The following NOTCH2 variants were observed in gnomAD, a reference collection of about 807,000 sequenced individuals.
The protein encoded by NOTCH2 is neurogenic locus notch homolog protein 2.
Under a neutral mutation model 235.8 loss-of-function variants are expected in NOTCH2, and 29 were observed. The observed-to-expected ratio is 0.12, with a 90% CI of 0.09 to 0.17. NOTCH2 has a LOEUF of 0.17. Ranked by LOEUF, NOTCH2 falls within the 10% of genes least tolerant of loss-of-function variation. The pLI is 1.00. For synonymous variants in NOTCH2, 1,086 were observed against 1,141.5 expected, an observed-to-expected ratio of 0.95 and a Z score of 0.98; for missense variants, 2,285 against 3,150.2, an observed-to-expected ratio of 0.73 and a Z score of 6.57.
intron 6 of NOTCH2, among the ~76,000 whole-genome samples, chr1:119,969,114 C>T (rs1445565400): frequency 6.6e-6 from 1 of 152,212 alleles, no homozygotes; most frequent in Non-Finnish European, 1.5e-5. Flanking sequence ...TTAAATGTTT[C>T]TCTCCTGCCA....
intron 21 of NOTCH2, among the ~76,000 whole-genome samples, chr1:119,936,606 G>A (rs1342759727): frequency 2.6e-5 from 4 of 152,170 alleles, no homozygotes; most frequent in African/African-American, 9.6e-5. Flanking sequence ...AAACAACCTA[G>A]GGGCCAAAAT....
rs370534078 is a variant in NOTCH2, at chr1:119,919,375, C to T, written c.5718G>A (p.Gln1906=). The change falls in exon 31 of 34, where the codon CAG becomes CAA. Residue 1906 remains glutamine (Q), a synonymous_variant. Coordinates refer to ENST00000256646, the MANE Select transcript of NOTCH2 (RefSeq NM_024408.4). ...LLDAGADANA[Q]DNMGRCPLHA... Reference sequence around the variant, plus strand: ...GGAGTGGACAGCGGCCCATGTTGTCCTGGGCATTGGCATCTGCACCTGCAT... The same window carrying T: ...GGAGTGGACAGCGGCCCATGTTGTCTTGGGCATTGGCATCTGCACCTGCAT... The T allele has an allele frequency of 1.2e-6, 2 of 1,613,524 alleles. No homozygotes were observed. The highest frequency in any genetic ancestry group is 1.7e-6 in the Non-Finnish European group (2 of 1,180,042).
At chr1:119,952,090 TAGAC>T (rs1650496913) in intron 14 of NOTCH2, among the ~76,000 whole-genome samples, 1 of 152,314 alleles carries the variant, frequency 6.6e-6, no homozygotes, top group South Asian at 2.1e-4. Context: ...AATGAATAAA[TAGAC>T]AGATGAGTGC....
intron 2 of NOTCH2, among the ~76,000 whole-genome samples, chr1:120,011,415 G>C (rs1175442243): frequency 6.6e-6 from 1 of 152,110 alleles, no homozygotes; most frequent in Non-Finnish European, 1.5e-5. Flanking sequence ...TGGGCCTTTT[G>C]TTTTCTTTTT....
chr1:120,004,980 G>T (rs1388973658), intron 3 of NOTCH2, among the ~76,000 whole-genome samples: 1 of 152,160 alleles, frequency 6.6e-6, no homozygotes, highest in Middle Eastern at 3.2e-3. Flanking sequence ...TAGAGATGGG[G>T]TCTTGCTGTG....
intron 25 of NOTCH2, 111 bp downstream of exon 25, chr1:119,925,194 A>G (rs1008266723): frequency 3.6e-6 from 5 of 1,386,440 alleles, no homozygotes; most frequent in Non-Finnish European, 5.1e-6. Flanking sequence ...GCACCATCTG[A>G]AAAGCAGAGG....
chr1:119,914,878 C>A lies in NOTCH2; in HGVS notation c.*428G>T. ...AAGAATGTCCAAGGAGGAGGAGATG[C>A]GTAGGTCAATTCAGGCAGAATTCCA... On this transcript the variant is annotated 3_prime_UTR_variant, in exon 34 of 34. Transcript: ENST00000256646. The A allele has an allele frequency of 2.9e-6, 1 of 350,262 alleles. No homozygotes were observed. Among genetic ancestry groups the A allele is most frequent in the Non-Finnish European group, 5.3e-6 (1 of 189,316 alleles). 21.7% of individuals were successfully genotyped at this position (350,262 alleles called of 1,614,324 possible). A position where few individuals can be genotyped will look rare whatever the true frequency, so the allele number is the denominator to read the frequency against.
At chr1:119,947,671 A>G (rs1650311065) in intron 17 of NOTCH2, among the ~76,000 whole-genome samples, 1 of 152,226 alleles carries the variant, frequency 6.6e-6, no homozygotes, top group Admixed American at 6.5e-5. Flanking sequence ...ACTCAAGAGA[A>G]CTAAAACCAT....
intron 23 of NOTCH2, 59 bp downstream of exon 23, chr1:119,928,917 T>A: frequency 6.9e-7 from 1 of 1,438,878 alleles, no homozygotes; most frequent in Non-Finnish European, 9.8e-7. Flanking sequence ...CAGGGCCCAA[T>A]TTGTTCACTA....
intron 11 of NOTCH2, among the ~76,000 whole-genome samples, chr1:119,960,855 G>A (rs1553198917): frequency 6.6e-6 from 1 of 151,982 alleles, no homozygotes; most frequent in African/African-American, 2.4e-5. Context: ...TTGTAGGGAC[G>A]AGGTTTTGCT....
intron 22 of NOTCH2, among the ~76,000 whole-genome samples, chr1:119,931,021 T>C (rs1190628170): frequency 3.4e-5 from 5 of 147,790 alleles, no homozygotes; most frequent in Non-Finnish European, 5.9e-5. Flanking sequence ...GAGAATGGCA[T>C]GAACCTGGGA....
At chr1:119,932,011 T>C (rs951365240) in intron 22 of NOTCH2, among the ~76,000 whole-genome samples, 8 of 141,772 alleles carry the variant, frequency 5.6e-5, no homozygotes, top group African/African-American at 2.0e-4. Context: ...TATATATACA[T>C]ATATATATAT....
chr1:119,946,751 G>C (rs1311099335), intron 17 of NOTCH2, among the ~76,000 whole-genome samples: 1 of 151,928 alleles, frequency 6.6e-6, no homozygotes, highest in Non-Finnish European at 1.5e-5. Flanking sequence ...TTTCCCCTAG[G>C]ATCAAAAACA....
At chr1:120,064,600 G>A (rs1655432156) in intron 1 of NOTCH2, among the ~76,000 whole-genome samples, 2 of 151,940 alleles carry the variant, frequency 1.3e-5, no homozygotes, top group South Asian at 4.2e-4. Flanking sequence ...CTGTAGTACA[G>A]AGAAGAAATG....
intron 12 of NOTCH2, among the ~76,000 whole-genome samples, chr1:119,957,539 A>C (rs1650751306): frequency 6.6e-6 from 1 of 152,126 alleles, no homozygotes; most frequent in Admixed American, 6.5e-5. Flanking sequence ...AAAACTCCTC[A>C]CATTTACCAC....
intron 11 of NOTCH2, among the ~76,000 whole-genome samples, chr1:119,963,338 AACACACACAAAC>A (rs1201009943): frequency 2.8e-4 from 42 of 152,186 alleles, no homozygotes; most frequent in African/African-American, 9.4e-4. Context: ...TATTTAACAA[AACACACACAAAC>A]ACACACACAA....
chr1:120,000,420 G>T (rs1300767042), intron 3 of NOTCH2, among the ~76,000 whole-genome samples: 8 of 149,702 alleles, frequency 5.3e-5, no homozygotes, highest in African/African-American at 2.5e-5. Context: ...TGTAGTCCCA[G>T]CTACTCAGGA....
At chr1:120,040,950 A>C (rs1557859371) in intron 1 of NOTCH2, among the ~76,000 whole-genome samples, 1 of 144,380 alleles carries the variant, frequency 6.9e-6, no homozygotes, top group Non-Finnish European at 1.5e-5. Flanking sequence ...CTGAGGCAGG[A>C]GAATGGAATG....
intron 4 of NOTCH2, chr1:119,994,530 A>ATATAC (rs567494630): frequency 3.9e-4 from 3 of 7,690 alleles, no homozygotes; most frequent in African/African-American, 5.7e-4. Flanking sequence ...ATATATATAT[A>ATATAC]CACACACACA....
Sources: allele counts gnomAD v4.1 joint callset (sites outside exome capture counted in the v4.1 genomes callset), GRCh38; gene constraint gnomAD v4.1.1; transcripts MANE v1.5; gene names NCBI Gene and HGNC (gene_info 2026-07-23, HGNC 2026-07-21).